CEP57L1: variants seen among roughly 807,000 people sequenced by gnomAD.
The protein encoded by CEP57L1 is centrosomal protein CEP57L1.
A neutral mutation model predicts 61.0 loss-of-function variants in CEP57L1; 37 were observed. That is an observed-to-expected ratio of 0.61 (90% confidence interval 0.47 to 0.80). The LOEUF (loss-of-function observed/expected upper bound fraction) is 0.80, where lower values mean the gene tolerates loss of function less well. Among genes scored for constraint, CEP57L1 ranks in the 30% least tolerant of loss-of-function variants. The pLI is 0.00. For synonymous variants in CEP57L1, 137 were observed against 162.3 expected (o/e 0.84, Z 1.19); for missense variants, 422 against 524.7 (o/e 0.80, Z 1.91).
At chr6:109,149,628 T>C (rs1370347281) in intron 3 of CEP57L1, among the ~76,000 whole-genome samples, 1 of 152,000 alleles carries the variant, frequency 6.6e-6, no homozygotes, top group African/African-American at 2.4e-5. Context: ...ATATGAACTT[T>C]AAAGTAGTTT....
At position 109,173,012 on chromosome 6, in the gene CEP57L1, C is replaced by A. The variant is rs909490775; in HGVS notation, c.*10042C>A. Among the ~76,000 whole-genome samples the A allele has an allele frequency of 1.3e-5, 2 of 152,142 alleles. No individual in the cohort carries two copies. Among genetic ancestry groups the A allele is most frequent in the Admixed American group, 6.5e-5 (1 of 15,268 alleles). On this transcript the variant is annotated 3_prime_UTR_variant, in exon 11 of 11. Coordinates refer to ENST00000517392, the MANE Select transcript of CEP57L1 (RefSeq NM_001271852.3). ...CTTAATAATGGGTTTGCCATATCTA[C>A]TTTAATGAGATGTGTGGCATGGTGA...
In CEP57L1 at chr6:109,173,155, T is replaced by G. The variant is rs2114998851; in HGVS notation, c.*10185T>G. ...TAAAGGGATACTTTTGTGTAATATTTAACCATGTATACCATTGTTTGTGTA... is the reference window on the plus strand; with the variant it reads ...TAAAGGGATACTTTTGTGTAATATTGAACCATGTATACCATTGTTTGTGTA... On this transcript the variant is annotated 3_prime_UTR_variant, in exon 11 of 11. Coordinates refer to ENST00000517392, the MANE Select transcript of CEP57L1 (RefSeq NM_001271852.3). Among the ~76,000 whole-genome samples the G allele has an allele frequency of 6.6e-6, 1 of 152,352 alleles. No individual in the cohort carries two copies. The highest frequency in any genetic ancestry group is 2.1e-4 in the South Asian group (1 of 4,830).
rs1773016558 is a variant in CEP57L1 at position 109,121,866 on chromosome 6, A to G, written c.-3-23353A>G. ...GTGTCTTTGTTTTATAGTTATTTTG[A>G]AAACAAATCAACACCTGTATGAAAT... On this transcript the variant is annotated intron_variant, in intron 1 of 10. Coordinates refer to ENST00000517392, the MANE Select transcript of CEP57L1 (RefSeq NM_001271852.3). Among the ~76,000 whole-genome samples the G allele has an allele frequency of 2.0e-5, 3 of 152,178 alleles. No individual in the cohort carries two copies. In the South Asian group the frequency reaches 6.2e-4, roughly 32 times the overall value.
At chr6:109,108,233 ATT>A (rs1481105446) in intron 1 of CEP57L1, among the ~76,000 whole-genome samples, 1 of 146,866 alleles carries the variant, frequency 6.8e-6, no homozygotes, top group African/African-American at 2.5e-5. Flanking sequence ...AATGTTCTAC[ATT>A]TTTCTCTTTT....
In CEP57L1 at chr6:109,164,888, T is replaced by G. The variant is rs1314006250; in HGVS notation, c.*1918T>G. ...CGAGGTCAGGAGATTGAGACCATCC[T>G]GGCCAACATGTGAAACCCTGTCTCT... is the stretch of plus-strand genomic sequence containing the variant. On this transcript the variant is annotated 3_prime_UTR_variant, in exon 11 of 11. Transcript: ENST00000517392. 6.6e-6 allele frequency among the ~76,000 whole-genome samples: 1 copy of G among 152,094 alleles called. No homozygotes were observed. The highest frequency in any genetic ancestry group is 1.5e-5 in the Non-Finnish European group (1 of 68,018).
chr6:109,104,271 G>A (rs1219470729), intron 1 of CEP57L1, among the ~76,000 whole-genome samples: 1 of 151,678 alleles, frequency 6.6e-6, no homozygotes, highest in Non-Finnish European at 1.5e-5. Context: ...GTATGAATAT[G>A]ATACAACTTA....
At chr6:109,153,231 CTTTTTTTTTTTTTTTTT>C (rs34538762) in intron 4 of CEP57L1, among the ~76,000 whole-genome samples, 1 of 79,000 alleles carries the variant, frequency 1.3e-5, no homozygotes, top group Non-Finnish European at 2.6e-5. Context: ...CTAATCTGCA[CTTTTTTTTTTTTTTTTT>C]TTTTTTTTTT....
At chr6:109,150,661 C>CAA (rs751693443) in intron 4 of CEP57L1, among the ~76,000 whole-genome samples, 822 of 59,794 alleles carry the variant, frequency 0.014, 8 homozygotes, top group African/African-American at 0.043. Context: ...GACTCTGTCT[C>CAA]AAAAAAAAAA....
At chr6:109,126,396 T>C (rs1046090892) in intron 1 of CEP57L1, among the ~76,000 whole-genome samples, 32 of 152,218 alleles carry the variant, frequency 2.1e-4, no homozygotes, top group Admixed American at 2.6e-4. Context: ...TGTTTCATTG[T>C]GGACAATGTT....
At chr6:109,155,492 T>A (rs1189757473) in intron 6 of CEP57L1, among the ~76,000 whole-genome samples, 185 bp downstream of exon 6, 2 of 151,988 alleles carry the variant, frequency 1.3e-5, no homozygotes, top group Non-Finnish European at 2.9e-5. Flanking sequence ...AGGTCTTTTT[T>A]AATCTTTTGA....
chr6:109,105,207 AT>A (rs1053248895), intron 1 of CEP57L1, among the ~76,000 whole-genome samples: 1 of 151,774 alleles, frequency 6.6e-6, no homozygotes, highest in African/African-American at 2.4e-5. Context: ...TAGTTTTATC[AT>A]TTTTTCTTTT....
rs560153199 is a variant in CEP57L1, at chr6:109,113,318, A to G, written c.-4+17743A>G. Among the ~76,000 whole-genome samples, 359 of 152,214 alleles carry G rather than the reference A, an allele frequency of 2.4e-3. 1 individual carries two copies. Among genetic ancestry groups the G allele is most frequent in the African/African-American group, 8.3e-3 (343 of 41,554 alleles). On this transcript the variant is annotated intron_variant, in intron 1 of 10. Coordinates refer to ENST00000517392, the MANE Select transcript of CEP57L1 (RefSeq NM_001271852.3). ...TTTCCCCTCTTCCGGAGAAAAGCCC[A>G]TGTCCTCCTCAGATCAAAATTTTTG...
chr6:109,122,586 A>G (rs1773098386), intron 1 of CEP57L1, among the ~76,000 whole-genome samples: 1 of 152,048 alleles, frequency 6.6e-6, no homozygotes, highest in Non-Finnish European at 1.5e-5. Flanking sequence ...GAGGATCACG[A>G]GGTCAGGGGT....
At chr6:109,110,773 T>C (rs1771511691) in intron 1 of CEP57L1, among the ~76,000 whole-genome samples, 1 of 152,232 alleles carries the variant, frequency 6.6e-6, no homozygotes, top group African/African-American at 2.4e-5. Context: ...CACCATTTAT[T>C]AAATAGGGAA....
rs116785132 is a variant in CEP57L1, at chr6:109,145,687, A to T, written c.160+306A>T. Among the ~76,000 whole-genome samples, 1,206 of 152,108 alleles carry T rather than the reference A, an allele frequency of 7.9e-3. 20 individuals are homozygous for T. Among genetic ancestry groups the T allele is most frequent in the African/African-American group, 0.028 (1,157 of 41,568 alleles). On this transcript the variant is annotated intron_variant, in intron 2 of 10. Transcript: ENST00000517392. The stretch of plus-strand genomic sequence containing the variant: ...GGTCAGATTTGGAATACTAAACTAG[A>T]TGATTAGAATGTTAGTGAATTAAAT...
rs1262846803 is a variant in CEP57L1 at position 109,173,608 on chromosome 6, AT to A, written c.*10649del. Reference sequence around the variant, plus strand: ...CCTGGCTAATTAAAAAAAAAAAAAAATTTTTTTTTTTGAGGAGACGCGGTCT... The same window carrying A: ...CCTGGCTAATTAAAAAAAAAAAAAAATTTTTTTTTTGAGGAGACGCGGTCT... On this transcript the variant is annotated 3_prime_UTR_variant, in exon 11 of 11. Transcript: ENST00000517392. Among the ~76,000 whole-genome samples the A allele has an allele frequency of 8.3e-4, 107 of 128,754 alleles. No homozygotes were observed. Among genetic ancestry groups the A allele is most frequent in the South Asian group, 2.3e-3 (9 of 3,916 alleles). 84.5% of individuals were successfully genotyped at this position (128,754 alleles called of 152,430 possible). A position where few individuals can be genotyped will look rare whatever the true frequency, so the allele number is the denominator to read the frequency against.
intron 1 of CEP57L1, among the ~76,000 whole-genome samples, chr6:109,113,552 A>G (rs1033480822): frequency 5.3e-5 from 8 of 152,146 alleles, no homozygotes; most frequent in Non-Finnish European, 8.8e-5. Flanking sequence ...AATGCTCTCA[A>G]TATATATTTT....
At chr6:109,106,916 G>T (rs1447359026) in intron 1 of CEP57L1, among the ~76,000 whole-genome samples, 1 of 152,162 alleles carries the variant, frequency 6.6e-6, no homozygotes, top group Non-Finnish European at 1.5e-5. Flanking sequence ...CTCCAACTTA[G>T]GTGACAGAGT....
chr6:109,173,037 A>G lies in CEP57L1; in HGVS notation c.*10067A>G, dbSNP rs1774474587. ...CTTTAATGAGATGTGTGGCATGGTGATGGTTACAAAAGTGATTTGTTAATT... is the reference window on the plus strand; with the variant it reads ...CTTTAATGAGATGTGTGGCATGGTGGTGGTTACAAAAGTGATTTGTTAATT... On this transcript the variant is annotated 3_prime_UTR_variant, in exon 11 of 11. Coordinates refer to ENST00000517392, the MANE Select transcript of CEP57L1 (RefSeq NM_001271852.3). Among the ~76,000 whole-genome samples the G allele has an allele frequency of 6.6e-6, 1 of 152,196 alleles. No homozygotes were observed. Among genetic ancestry groups the G allele is most frequent in the Non-Finnish European group, 1.5e-5 (1 of 68,034 alleles).
Sources: gnomAD v4.1 joint callset for allele counts (sites outside exome capture counted in the v4.1 genomes callset) on GRCh38, gnomAD v4.1.1 for gene constraint, MANE v1.5 for transcripts, NCBI Gene and HGNC (gene_info 2026-07-23, HGNC 2026-07-21) for gene names.